Variants in VKORC1L1 observed in about 807,000 individuals in gnomAD.
VKORC1L1 encodes the protein vitamin K epoxide reductase complex subunit 1-like protein 1.
In VKORC1L1, 2 loss-of-function variants were observed where a neutral mutation model predicts 18.9. The ratio of observed to expected loss-of-function variants is 0.11; its 90% CI spans 0.04 to 0.33. VKORC1L1 has a LOEUF of 0.33. Among genes scored for constraint, VKORC1L1 ranks in the 10% least tolerant of loss-of-function variants. VKORC1L1 has a pLI of 1.00. For synonymous variants in VKORC1L1, 96 were observed against 100.0 expected (o/e 0.96, Z 0.24); for missense variants, 123 against 224.1 (o/e 0.55, Z 2.88).
intron 2 of VKORC1L1, among the ~76,000 whole-genome samples, chr7:65,951,584 AT>A (rs201810114): frequency 1.6e-3 from 239 of 148,688 alleles, no homozygotes; most frequent in Middle Eastern, 3.5e-3. Context: ...GAAAAAAAAA[AT>A]ATATATATAT....
At chr7:65,930,368 C>T (rs916346957) in intron 1 of VKORC1L1, among the ~76,000 whole-genome samples, 18 of 152,144 alleles carry the variant, frequency 1.2e-4, no homozygotes, top group African/African-American at 4.1e-4. Context: ...AAGTTGTTGG[C>T]GTGGAGGAGC....
Position 65,955,604 on chromosome 7 carries a change from T to C in VKORC1L1, c.*1304T>C, listed in dbSNP as rs1790283668. On this transcript the variant is annotated 3_prime_UTR_variant, in exon 3 of 3. Transcript: ENST00000360768. ...GGATGTTTGTATGGTTAACATCTGA[T>C]ATCAGAATGTTAAAAGTGCCTTCTG... 1.3e-5 allele frequency: 2 copies of C among 152,248 alleles called. No individual in the cohort carries two copies. The highest frequency in any genetic ancestry group is 4.8e-5 in the African/African-American group (2 of 41,466). The allele number at this position is 152,248 out of a possible 1,614,324, so 9.4% of individuals were successfully genotyped here. A position where few individuals can be genotyped will look rare whatever the true frequency, so the allele number is the denominator to read the frequency against.
rs921041569 is a variant in VKORC1L1 at position 65,955,038 on chromosome 7, C to T, written c.*738C>T. 2 of 152,210 alleles carry T rather than the reference C, an allele frequency of 1.3e-5. No homozygotes were observed. Among genetic ancestry groups the T allele is most frequent in the African/African-American group, 2.4e-5 (1 of 41,438 alleles). 9.4% of individuals were successfully genotyped at this position (152,210 alleles called of 1,614,324 possible). On this transcript the variant is annotated 3_prime_UTR_variant, in exon 3 of 3. Transcript: ENST00000360768. ...CTGAAAGGAAAAAATTGAATTGGAA[C>T]GTTCAAGTCCAGTTTGTGTTCAGTC...
chr7:65,928,410 GC>G (rs1583854505), intron 1 of VKORC1L1, among the ~76,000 whole-genome samples: 1 of 151,986 alleles, frequency 6.6e-6, no homozygotes, highest in East Asian at 1.9e-4. Flanking sequence ...TTGTAGTCAG[GC>G]TTTCCCCATC....
intron 1 of VKORC1L1, among the ~76,000 whole-genome samples, chr7:65,936,474 C>T (rs1213094349): frequency 6.6e-6 from 1 of 152,140 alleles, no homozygotes; most frequent in African/African-American, 2.4e-5. Flanking sequence ...CAAGCTCTGC[C>T]TCTCCTTCTG....
chr7:65,947,730 G>C (rs1249547397), intron 1 of VKORC1L1, among the ~76,000 whole-genome samples: 1 of 149,286 alleles, frequency 6.7e-6, no homozygotes, highest in African/African-American at 2.5e-5. Context: ...TGCTCTTGTT[G>C]CCCAGGCTGG....
At chr7:65,950,434 A>G (rs2115743268) in intron 2 of VKORC1L1, among the ~76,000 whole-genome samples, 1 of 152,228 alleles carries the variant, frequency 6.6e-6, no homozygotes. Flanking sequence ...ATTACCTGTC[A>G]GCTCTTCTGA....
At position 65,923,042 on chromosome 7, in the gene VKORC1L1, T is replaced by G. The variant is rs546373398; in HGVS notation, c.195-25629T>G. Reference sequence around the variant, plus strand: ...TTTGCTGATGATAAAGTAGAGCATTTGATCATAGGAAAGGTAACTGAGTTG... The same window carrying G: ...TTTGCTGATGATAAAGTAGAGCATTGGATCATAGGAAAGGTAACTGAGTTG... On this transcript the variant is annotated intron_variant, in intron 1 of 2. Transcript: ENST00000360768. Among the ~76,000 whole-genome samples, 3 of 152,314 alleles carry G rather than the reference T, an allele frequency of 2.0e-5. No individual in the cohort carries two copies. The East Asian group carries it at 5.8e-4, about 29-fold the overall frequency.
intron 1 of VKORC1L1, among the ~76,000 whole-genome samples, chr7:65,942,421 G>T: frequency 6.6e-6 from 1 of 150,566 alleles, no homozygotes; most frequent in East Asian, 2.0e-4. Context: ...GAACCCGGGA[G>T]GCGGAGCTTG....
chr7:65,950,107 C>T (rs373722658), intron 2 of VKORC1L1, among the ~76,000 whole-genome samples: 5 of 151,694 alleles, frequency 3.3e-5, no homozygotes, highest in Non-Finnish European at 5.9e-5. Flanking sequence ...TTAATTGTAA[C>T]GATAATCTTC....
At chr7:65,918,195 C>A (rs535048441) in intron 1 of VKORC1L1, among the ~76,000 whole-genome samples, 2 of 152,290 alleles carry the variant, frequency 1.3e-5, no homozygotes, top group South Asian at 2.1e-4. Context: ...TCTAGAAGAT[C>A]ATATAAATGG....
At chr7:65,910,823 G>C (rs1789490671) in intron 1 of VKORC1L1, among the ~76,000 whole-genome samples, 1 of 152,142 alleles carries the variant, frequency 6.6e-6, no homozygotes, top group Non-Finnish European at 1.5e-5. Flanking sequence ...AATCCAAAGT[G>C]CTGGGACAGG....
intron 1 of VKORC1L1, among the ~76,000 whole-genome samples, chr7:65,925,938 G>T (rs35058610): frequency 5.3e-5 from 8 of 151,794 alleles, no homozygotes; most frequent in Admixed American, 1.3e-4. Context: ...GAGGCTGGTG[G>T]AAATGATTTT....
At chr7:65,932,328 G>A (rs1789871914) in intron 1 of VKORC1L1, among the ~76,000 whole-genome samples, 1 of 152,114 alleles carries the variant, frequency 6.6e-6, no homozygotes, top group South Asian at 2.1e-4. Flanking sequence ...GAACATCTGA[G>A]CTCAAGTGAT....
At chr7:65,878,128 A>G (rs1023983985) in intron 1 of VKORC1L1, among the ~76,000 whole-genome samples, 2 of 152,056 alleles carry the variant, frequency 1.3e-5, no homozygotes, top group Non-Finnish European at 2.9e-5. Flanking sequence ...TACCCCATTG[A>G]GATAATAAAA....
intron 1 of VKORC1L1, among the ~76,000 whole-genome samples, chr7:65,927,864 A>C (rs1451510752): frequency 1.3e-5 from 2 of 152,192 alleles, no homozygotes; most frequent in Non-Finnish European, 2.9e-5. Flanking sequence ...AAGATAGCCT[A>C]AACTAAATTA....
chr7:65,938,848 G>C (rs993474693), intron 1 of VKORC1L1, among the ~76,000 whole-genome samples: 1 of 152,142 alleles, frequency 6.6e-6, no homozygotes, highest in East Asian at 1.9e-4. Context: ...GAACCATGGG[G>C]AATGCTCATG....
chr7:65,925,338 C>G (rs1424911819), intron 1 of VKORC1L1, among the ~76,000 whole-genome samples: 1 of 152,190 alleles, frequency 6.6e-6, no homozygotes, highest in Non-Finnish European at 1.5e-5. Flanking sequence ...GTCAGTCTTA[C>G]TTCTTCAATC....
chr7:65,875,178 CAAT>C (rs1259374662), intron 1 of VKORC1L1, among the ~76,000 whole-genome samples: 2 of 152,112 alleles, frequency 1.3e-5, no homozygotes, highest in African/African-American at 4.8e-5. Flanking sequence ...GAAATTTGTT[CAAT>C]TTGATCAGCC....
Sources: gnomAD v4.1 joint callset for allele counts (sites outside exome capture counted in the v4.1 genomes callset) on GRCh38, gnomAD v4.1.1 for gene constraint, MANE v1.5 for transcripts, NCBI Gene and HGNC (gene_info 2026-07-23, HGNC 2026-07-21) for gene names.